The following MAST4 variants were observed in gnomAD, a reference collection of about 807,000 sequenced individuals.
MAST4 encodes microtubule associated serine/threonine kinase family member 4, also known as microtubule-associated serine/threonine-protein kinase 4.
MAST4 carries 89 observed loss-of-function variants against 162.7 expected under a neutral mutation model. The observed-to-expected ratio is 0.55, with a 90% CI of 0.46 to 0.65. The LOEUF is 0.65. Among genes scored for constraint, MAST4 ranks in the 30% least tolerant of loss-of-function variants. The pLI is 0.00. For synonymous variants in MAST4, 1,479 were observed against 1,361.1 expected (o/e 1.09, Z -1.91); for missense variants, 3,153 against 3,374.0 (o/e 0.93, Z 1.62).
intron 1 of MAST4, among the ~76,000 whole-genome samples, chr5:66,673,973 T>C (rs528614643): frequency 2.0e-5 from 3 of 152,344 alleles, no homozygotes; most frequent in East Asian, 3.9e-4. Context: ...CATTATATAA[T>C]GTAAGGCTCT....
At chr5:67,108,915 G>A (rs1440624655) in intron 10 of MAST4, among the ~76,000 whole-genome samples, 1 of 152,056 alleles carries the variant, frequency 6.6e-6, no homozygotes, top group Non-Finnish European at 1.5e-5. Context: ...ACAATGAAAT[G>A]TTATTTTTTA....
chr5:66,973,466 T>A (rs946774044), intron 4 of MAST4, among the ~76,000 whole-genome samples: 2 of 152,186 alleles, frequency 1.3e-5, no homozygotes, highest in Non-Finnish European at 2.9e-5. Flanking sequence ...GGCTTTGTCA[T>A]CTTTAGATTC....
At chr5:66,709,666 G>T (rs1580258429) in intron 1 of MAST4, among the ~76,000 whole-genome samples, 1 of 151,888 alleles carries the variant, frequency 6.6e-6, no homozygotes, top group East Asian at 1.9e-4. Flanking sequence ...CTTTGTCTCT[G>T]TTTCTTTTTA....
rs545253572 is a variant in MAST4 at position 66,705,350 on chromosome 5, T to A, written c.364-54359T>A. On this transcript the variant is annotated intron_variant, in intron 1 of 28. Coordinates refer to ENST00000403625, the MANE Select transcript of MAST4 (RefSeq NM_001164664.2). Reference sequence around the variant, plus strand: ...CACTGTAATTAAATACATGTGCTGCTTCAGTTCTAGAAAACTCCCAGGTGT... The same window carrying A: ...CACTGTAATTAAATACATGTGCTGCATCAGTTCTAGAAAACTCCCAGGTGT... 2.6e-5 allele frequency among the ~76,000 whole-genome samples: 4 copies of A among 152,300 alleles called. No homozygotes were observed. In the East Asian group the frequency reaches 7.7e-4, roughly 29 times the overall value.
chr5:66,879,905 T>G (rs1343518774), intron 3 of MAST4, among the ~76,000 whole-genome samples: 1 of 152,230 alleles, frequency 6.6e-6, no homozygotes, highest in African/African-American at 2.4e-5. Context: ...TACATGTACC[T>G]TTTGACCCAC....
At chr5:66,805,178 ATCT>A (rs1033703753) in intron 3 of MAST4, among the ~76,000 whole-genome samples, 9 of 152,324 alleles carry the variant, frequency 5.9e-5, no homozygotes, top group African/African-American at 1.4e-4. Flanking sequence ...GGAGCGGTTC[ATCT>A]TCTTCCTCTT....
chr5:66,801,522 T>G (rs1010666776), intron 3 of MAST4, among the ~76,000 whole-genome samples: 10 of 152,238 alleles, frequency 6.6e-5, no homozygotes, highest in African/African-American at 2.4e-4. Flanking sequence ...CCCAGTTGAT[T>G]ATATTGTGCA....
chr5:66,628,208 A>AT (rs1436988782), intron 1 of MAST4, among the ~76,000 whole-genome samples: 2 of 151,720 alleles, frequency 1.3e-5, no homozygotes, highest in African/African-American at 4.8e-5. Context: ...AATATTGTTT[A>AT]TTTTTTGTGG....
chr5:66,846,807 G>A (rs1758888198), intron 3 of MAST4, among the ~76,000 whole-genome samples: 1 of 152,064 alleles, frequency 6.6e-6, no homozygotes, highest in African/African-American at 2.4e-5. Context: ...GACATCTAAG[G>A]GGCTCATGGA....
chr5:67,165,113 T>C lies in MAST4; in HGVS notation c.5934T>C (p.Pro1978=), dbSNP rs1436059734. Reference sequence around the variant, plus strand: ...TGAGGGAATCGTCTGAAAGAGGCCCTCCCACAGCCAGAAGCGAGCGCTCTG... The same window carrying C: ...TGAGGGAATCGTCTGAAAGAGGCCCCCCCACAGCCAGAAGCGAGCGCTCTG... ...PGLRESSERG[P]PTARSERSAA... Residue 1978 remains proline, a synonymous_variant, in exon 29 of 29, where the codon CCT becomes CCC. Transcript: ENST00000403625. 1 of 1,589,924 alleles carries C rather than the reference T, an allele frequency of 6.3e-7. No individual in the cohort carries two copies. Among genetic ancestry groups the C allele is most frequent in the Non-Finnish European group, 8.6e-7 (1 of 1,168,048 alleles).
chr5:66,942,390 A>G (rs1743462558), intron 4 of MAST4, among the ~76,000 whole-genome samples: 1 of 152,200 alleles, frequency 6.6e-6, no homozygotes, highest in Non-Finnish European at 1.5e-5. Flanking sequence ...ATTTAGCTTG[A>G]TGACAAAAGC....
At chr5:66,894,867 G>C (rs981222829) in intron 3 of MAST4, among the ~76,000 whole-genome samples, 3 of 152,090 alleles carry the variant, frequency 2.0e-5, no homozygotes, top group African/African-American at 7.2e-5. Context: ...ACTAGTGAGG[G>C]AGCCAATATT....
At chr5:66,791,703 C>T (rs1349562557) in intron 3 of MAST4, among the ~76,000 whole-genome samples, 1 of 152,086 alleles carries the variant, frequency 6.6e-6, no homozygotes, top group East Asian at 1.9e-4. Flanking sequence ...TAAGCTTGGG[C>T]ACAGAAGCCA....
chr5:66,699,176 C>G (rs1749605038), intron 1 of MAST4, among the ~76,000 whole-genome samples: 1 of 152,148 alleles, frequency 6.6e-6, no homozygotes, highest in African/African-American at 2.4e-5. Flanking sequence ...TCACTGGTAC[C>G]CTGTTCTCAT....
At chr5:67,144,862 T>C in intron 22 of MAST4, 66 bp downstream of exon 22, 1 of 1,525,180 alleles carries the variant, frequency 6.6e-7, no homozygotes, top group Non-Finnish European at 8.8e-7. Context: ...TAAACTTTAG[T>C]GAGCATCAGA....
chr5:67,075,237 C>G (rs1248635564), intron 5 of MAST4, among the ~76,000 whole-genome samples: 1 of 145,258 alleles, frequency 6.9e-6, no homozygotes, highest in Admixed American at 7.0e-5. Flanking sequence ...ATGGCATGAT[C>G]GTGGCTCCCT....
intron 3 of MAST4, among the ~76,000 whole-genome samples, chr5:66,879,006 G>A (rs369792801): frequency 2.2e-4 from 34 of 152,344 alleles, no homozygotes; most frequent in East Asian, 9.6e-4. Flanking sequence ...TGGGCCGGGC[G>A]TGGTGGCTCA....
At chr5:66,821,959 A>G (rs1757017133) in intron 3 of MAST4, among the ~76,000 whole-genome samples, 1 of 152,176 alleles carries the variant, frequency 6.6e-6, no homozygotes, top group Non-Finnish European at 1.5e-5. Context: ...AGTGAGGGGC[A>G]TGGGCTGCCC....
chr5:66,930,931 G>A (rs1008644034), intron 4 of MAST4: 10 of 286,276 alleles, frequency 3.5e-5, no homozygotes, highest in Admixed American at 1.3e-4. Context: ...TTCCAGCTGC[G>A]TAGGGTAAAT....
Sources: allele counts gnomAD v4.1 joint callset (sites outside exome capture counted in the v4.1 genomes callset), GRCh38; gene constraint gnomAD v4.1.1; transcripts MANE v1.5; gene names NCBI Gene and HGNC (gene_info 2026-07-23, HGNC 2026-07-21).